HPSE2: variants seen among roughly 807,000 people sequenced by gnomAD.
The protein encoded by HPSE2 is inactive heparanase-2.
A neutral mutation model predicts 60.5 loss-of-function variants in HPSE2; 38 were observed. The ratio of observed to expected loss-of-function variants is 0.63; its 90% confidence interval spans 0.48 to 0.82. The LOEUF (loss-of-function observed/expected upper bound fraction) is 0.82, where lower values mean the gene tolerates loss of function less well. HPSE2 is among the 40% of genes least tolerant of loss of function. HPSE2 has a pLI of 0.00. For synonymous variants in HPSE2, 295 were observed against 293.2 expected (o/e 1.01, Z -0.06); for missense variants, 713 against 740.4 (o/e 0.96, Z 0.43).
chr10:99,162,300 A>G (rs551492741), intron 2 of HPSE2, among the ~76,000 whole-genome samples: 1 of 152,316 alleles, frequency 6.6e-6, no homozygotes, highest in East Asian at 1.9e-4. Context: ...ACCATCTTAA[A>G]ACCTTGGGAC....
intron 11 of HPSE2, among the ~76,000 whole-genome samples, chr10:98,463,507 C>T (rs1397089807): frequency 1.3e-5 from 2 of 152,058 alleles, no homozygotes; most frequent in African/African-American, 4.8e-5. Context: ...CAAGTTAATT[C>T]AAAAGTATAG....
intron 3 of HPSE2, among the ~76,000 whole-genome samples, chr10:98,856,983 T>G (rs11189845): frequency 6.6e-6 from 1 of 152,328 alleles, no homozygotes; most frequent in East Asian, 1.9e-4. Flanking sequence ...TAATATCTTC[T>G]TTCTCCTCTA....
At chr10:98,999,156 C>CGTGT (rs55879808) in intron 3 of HPSE2, among the ~76,000 whole-genome samples, 7,348 of 137,604 alleles carry the variant, frequency 0.053, 261 homozygotes, top group African/African-American at 0.094. Context: ...GTATAGACTA[C>CGTGT]GTGTGTGTGT....
chr10:99,265,546 T>G, the HPSE2 span, among the ~76,000 whole-genome samples: 4 of 152,200 alleles, frequency 2.6e-5, no homozygotes, highest in Non-Finnish European at 5.9e-5. Context: ...CGTTTACCTA[T>G]GTAGCAAACC....
intron 3 of HPSE2, among the ~76,000 whole-genome samples, chr10:98,893,983 G>T (rs1255737366): frequency 3.9e-5 from 6 of 152,006 alleles, no homozygotes; most frequent in Non-Finnish European, 7.4e-5. Context: ...CTTGACTTTG[G>T]CAAGAAATGG....
At chr10:99,087,353 C>T (rs59723253) in intron 3 of HPSE2, among the ~76,000 whole-genome samples, 50 of 152,090 alleles carry the variant, frequency 3.3e-4, no homozygotes, top group African/African-American at 1.2e-3. Context: ...TTCTGGCGTC[C>T]CACACAGGGA....
At chr10:98,653,535 T>C (rs1589577794) in intron 6 of HPSE2, among the ~76,000 whole-genome samples, 1 of 151,968 alleles carries the variant, frequency 6.6e-6, no homozygotes, top group African/African-American at 2.4e-5. Context: ...TTTTATGTGG[T>C]TGCCCTAGAA....
At chr10:99,064,494 A>G (rs1211440046) in intron 3 of HPSE2, among the ~76,000 whole-genome samples, 1 of 152,118 alleles carries the variant, frequency 6.6e-6, no homozygotes, top group African/African-American at 2.4e-5. Context: ...GTTGCTTTCC[A>G]TGCCCATTTC....
chr10:99,124,990 T>C (rs1310870388), intron 3 of HPSE2, among the ~76,000 whole-genome samples: 1 of 152,146 alleles, frequency 6.6e-6, no homozygotes, highest in Non-Finnish European at 1.5e-5. Flanking sequence ...TAATGGAGTG[T>C]CCCAAAAGAT....
intron 9 of HPSE2, among the ~76,000 whole-genome samples, chr10:98,574,067 C>T (rs1481847324): frequency 4.6e-5 from 7 of 151,940 alleles, no homozygotes; most frequent in Middle Eastern, 3.2e-3. Flanking sequence ...CCCCTCACGC[C>T]TAGGAAACTA....
At chr10:98,960,968 A>T (rs1589431965) in intron 3 of HPSE2, among the ~76,000 whole-genome samples, 1 of 79,134 alleles carries the variant, frequency 1.3e-5, no homozygotes, top group Non-Finnish European at 2.3e-5. Context: ...TTCAATTCCC[A>T]CCTATGAGTG....
chr10:98,630,184 T>G (rs1325822793), intron 7 of HPSE2, among the ~76,000 whole-genome samples: 1 of 86,462 alleles, frequency 1.2e-5, no homozygotes, highest in Non-Finnish European at 2.2e-5. Context: ...GAAGCAATCG[T>G]TTTTTTTTTT....
intron 3 of HPSE2, among the ~76,000 whole-genome samples, chr10:99,089,034 T>C (rs1157501730): frequency 6.6e-6 from 1 of 152,228 alleles, no homozygotes; most frequent in African/African-American, 2.4e-5. Context: ...TATTTGCTTT[T>C]TTCCTTGCTG....
intron 3 of HPSE2, 61 bp downstream of exon 3, chr10:99,144,177 C>T (rs761202334): frequency 2.8e-5 from 43 of 1,519,892 alleles, no homozygotes; most frequent in Non-Finnish European, 3.8e-5. Flanking sequence ...CAGATGTGTA[C>T]CCCAAAAAAC....
chr10:98,541,574 G>A (rs2133824468), intron 9 of HPSE2, among the ~76,000 whole-genome samples: 1 of 152,298 alleles, frequency 6.6e-6, no homozygotes, highest in East Asian at 1.9e-4. Context: ...TCAAGGAAAG[G>A]GGTGACAGAC....
At position 98,614,904 on chromosome 10, in the gene HPSE2, T is replaced by C. The variant is rs1232380688; in HGVS notation, c.1320A>G (p.Pro440=). Residue 440 remains proline, a splice_region_variant and synonymous_variant, in exon 9 of 12, where the codon CCA becomes CCG. Coordinates refer to ENST00000370552, the MANE Select transcript of HPSE2 (RefSeq NM_021828.5). The stretch of plus-strand genomic sequence containing the variant: ...TTGGGAATCTTTATCCCACACTTAC[T>C]GGTAATGGGTTAAAATTCTGGTCCA... ...HLVDQNFNPL[P]DYWLSLLYKR... is the part of the protein sequence containing the mutation. 1 of 1,595,290 alleles carries C rather than the reference T, an allele frequency of 6.3e-7. No individual in the cohort carries two copies. The highest frequency in any genetic ancestry group is 8.6e-7 in the Non-Finnish European group (1 of 1,162,790).
At chr10:98,727,764 AAG>A (rs1273355545) in intron 4 of HPSE2, among the ~76,000 whole-genome samples, 2 of 152,138 alleles carry the variant, frequency 1.3e-5, no homozygotes, top group Non-Finnish European at 2.9e-5. Flanking sequence ...CATAAAGAAA[AAG>A]AAATTATAAA....
chr10:99,114,938 C>G (rs1010225389), intron 3 of HPSE2, among the ~76,000 whole-genome samples: 5 of 149,666 alleles, frequency 3.3e-5, no homozygotes, highest in African/African-American at 9.8e-5. Flanking sequence ...AGAAGAAGAA[C>G]ATGACCACTT....
chr10:98,701,684 C>G (rs968575841), intron 5 of HPSE2, among the ~76,000 whole-genome samples: 6 of 151,600 alleles, frequency 4.0e-5, no homozygotes, highest in Non-Finnish European at 5.9e-5. Context: ...GTTTTAAACC[C>G]AGAATTTCAA....
Sources: gnomAD v4.1 joint callset for allele counts (sites outside exome capture counted in the v4.1 genomes callset) on GRCh38, gnomAD v4.1.1 for gene constraint, MANE v1.5 for transcripts, NCBI Gene and HGNC (gene_info 2026-07-23, HGNC 2026-07-21) for gene names.